The following KIRREL3 variants were observed in gnomAD, a reference collection of about 807,000 sequenced individuals.
The protein encoded by KIRREL3 is kirre like nephrin family adhesion molecule 3.
A neutral mutation model predicts 89.7 loss-of-function variants in KIRREL3; 36 were observed. That is an observed-to-expected ratio of 0.40 (90% CI 0.31 to 0.53). The LOEUF is 0.53. Ranked by LOEUF, KIRREL3 falls within the 20% of genes least tolerant of loss-of-function variation. KIRREL3 has a pLI of 0.49. For missense variants in KIRREL3, 864 were observed against 1,056.6 expected, an observed-to-expected ratio of 0.82 and a Z score of 2.53; for synonymous variants, 445 against 441.4, an observed-to-expected ratio of 1.01 and a Z score of -0.10.
chr11:126,923,201 CTTCTTCTTCTTCT>C lies in KIRREL3; in HGVS notation c.55+77241_55+77253del, dbSNP rs1947478561. 4.1e-3 allele frequency among the ~76,000 whole-genome samples: 71 copies of C among 17,240 alleles called. 17 individuals carry two copies. The highest frequency in any genetic ancestry group is 0.026 in the East Asian group (23 of 888). 11.3% of individuals were successfully genotyped at this position (17,240 alleles called of 152,430 possible). On this transcript the variant is annotated intron_variant, in intron 1 of 16. Coordinates refer to ENST00000525144, the MANE Select transcript of KIRREL3 (RefSeq NM_032531.4). ...CTCTTCTTCTTCTCTTCTTCTTCTTCTTCTTCTTCTTCTTCTTCTTCTTCTTCTTCTTCTTCTT... is the reference window on the plus strand; with the variant it reads ...CTCTTCTTCTTCTCTTCTTCTTCTTCTCTTCTTCTTCTTCTTCTTCTTCTT...
Position 126,993,084 on chromosome 11 carries a change from A to T in KIRREL3, c.55+7371T>A, listed in dbSNP as rs1332641295. Among the ~76,000 whole-genome samples, 1 of 151,426 alleles carries T rather than the reference A, an allele frequency of 6.6e-6. No homozygotes were observed. The highest frequency in any genetic ancestry group is 2.4e-5 in the African/African-American group (1 of 41,388). ...ACGATTAAAAAGTATATTTCCATTC[A>T]ATTTTACATTTTTAGCCCCATGTGA... On this transcript the variant is annotated intron_variant, in intron 1 of 16. Coordinates refer to ENST00000525144, the MANE Select transcript of KIRREL3 (RefSeq NM_032531.4). The surrounding 1 kb of genome is among the most constrained non-coding windows in gnomAD (Gnocchi z 6.1).
In KIRREL3 at chr11:126,515,200, T is replaced by C. The variant is rs1028406572; in HGVS notation, c.433+6115A>G. Reference sequence around the variant, plus strand: ...ATTTTAGGAGGCTGAGTTGGGTGGATCCCTTGAGCCCAGAAGTTCAAGACA... The same window carrying C: ...ATTTTAGGAGGCTGAGTTGGGTGGACCCCTTGAGCCCAGAAGTTCAAGACA... On this transcript the variant is annotated intron_variant, in intron 4 of 16. Coordinates refer to ENST00000525144, the MANE Select transcript of KIRREL3 (RefSeq NM_032531.4). The surrounding 1 kb of genome is among the most constrained non-coding windows in gnomAD (Gnocchi z 4.2). Among the ~76,000 whole-genome samples the C allele has an allele frequency of 6.6e-6, 1 of 152,094 alleles. No homozygotes were observed. Among genetic ancestry groups the C allele is most frequent in the Non-Finnish European group, 1.5e-5 (1 of 68,016 alleles).
At chr11:126,691,547 T>C (rs1946878110) in intron 1 of KIRREL3, among the ~76,000 whole-genome samples, 1 of 152,224 alleles carries the variant, frequency 6.6e-6, no homozygotes, top group Admixed American at 6.5e-5. Flanking sequence ...GCATATTGCA[T>C]GATACCCTTT....
rs2134358545 is a variant in KIRREL3, at chr11:126,498,411, TCCTAATCAG to T, written c.433+22895_433+22903del. Among the ~76,000 whole-genome samples the T allele has an allele frequency of 6.6e-6, 1 of 152,332 alleles. No individual in the cohort carries two copies. The highest frequency in any genetic ancestry group is 6.5e-5 in the Admixed American group (1 of 15,294). On this transcript the variant is annotated intron_variant, in intron 4 of 16. Transcript: ENST00000525144. The surrounding 1 kb of genome is among the most constrained non-coding windows in gnomAD (Gnocchi z 4.3). ...CTTCCCCCCGACCCTGCGATTGTGT[TCCTAATCAG>T]CCAGTGTATCAGGAAAGACCTGCTG...
Position 126,564,576 on chromosome 11 carries a change from C to G in KIRREL3, c.56-1664G>C, listed in dbSNP as rs1413580279. On this transcript the variant is annotated intron_variant, in intron 1 of 16. Transcript: ENST00000525144. This position sits in a 1 kb window ranked among gnomAD's most constrained non-coding sequence, Gnocchi z 7.4. ...TCCACACTGGCGTCTGAAGGCTTAG[C>G]CAAACCGCCCTCACTTCAAACGGTC... is the stretch of plus-strand genomic sequence containing the variant. Among the ~76,000 whole-genome samples the G allele has an allele frequency of 6.6e-6, 1 of 152,214 alleles. No individual in the cohort carries two copies. The highest frequency in any genetic ancestry group is 1.5e-5 in the Non-Finnish European group (1 of 68,034).
chr11:126,621,654 A>G (rs900248742), intron 1 of KIRREL3, among the ~76,000 whole-genome samples: 5 of 152,240 alleles, frequency 3.3e-5, no homozygotes, highest in African/African-American at 1.2e-4. Flanking sequence ...AAACTATAAA[A>G]CCCATTGAAA....
intron 5 of KIRREL3, among the ~76,000 whole-genome samples, chr11:126,470,612 CTGGTGGGTAGGGGGAACCAG>C (rs925759242): frequency 5.3e-5 from 8 of 152,202 alleles, no homozygotes; most frequent in African/African-American, 1.9e-4. Context: ...GCTTAGAGGA[CTGGTGGGTAGGGGGAACCAG>C]GCCGTGTATT....
chr11:126,656,347 C>T lies in KIRREL3; in HGVS notation c.56-93435G>A, dbSNP rs7935183. 0.016 allele frequency among the ~76,000 whole-genome samples: 2,479 copies of T among 152,282 alleles called. 86 individuals are homozygous for T. Among genetic ancestry groups the T allele is most frequent in the African/African-American group, 0.056 (2,326 of 41,534 alleles). On this transcript the variant is annotated intron_variant, in intron 1 of 16. Coordinates refer to ENST00000525144, the MANE Select transcript of KIRREL3 (RefSeq NM_032531.4). This position sits in a 1 kb window ranked among gnomAD's most constrained non-coding sequence, Gnocchi z 4.0. ...AAGATAATATGTTGAAAACTCTTAG[C>T]ACCCAATAAGCCTTCAAAATTATAA...
chr11:126,526,546 T>A lies in KIRREL3; in HGVS notation c.275A>T (p.Asp92Val). Reference protein sequence around the residue: ...KDGLALGVGRDLSSYPQYLVV... With the variant: ...KDGLALGVGRVLSSYPQYLVV... ...GGTCTGGAGGTACTCACTTGAGAGG[T>A]CCCTGCCCACACCCAGAGCCAAGCC... The change falls in exon 3 of 17, where the codon GAC becomes GTC. Residue 92 changes from aspartate to valine, a missense_variant. By Grantham distance (152) the Asp-to-Val change is radical. Coordinates refer to ENST00000525144, the MANE Select transcript of KIRREL3 (RefSeq NM_032531.4). The surrounding 1 kb of genome is among the most constrained non-coding windows in gnomAD (Gnocchi z 5.7). The A allele has an allele frequency of 1.9e-6, 3 of 1,612,904 alleles. No individual in the cohort carries two copies. Among genetic ancestry groups the A allele is most frequent in the Non-Finnish European group, 2.5e-6 (3 of 1,179,438 alleles).
In KIRREL3 at chr11:126,946,124, C is replaced by T. The variant is rs1026562665; in HGVS notation, c.55+54331G>A. 1.3e-5 allele frequency among the ~76,000 whole-genome samples: 2 copies of T among 152,168 alleles called. No individual in the cohort carries two copies. The highest frequency in any genetic ancestry group is 4.8e-5 in the African/African-American group (2 of 41,434). ...TGGCTGAGATTTCTGAGCTGGAACCCAGCACCCTAGAACTAAGGCTCAAGC... is the reference window on the plus strand; with the variant it reads ...TGGCTGAGATTTCTGAGCTGGAACCTAGCACCCTAGAACTAAGGCTCAAGC... On this transcript the variant is annotated intron_variant, in intron 1 of 16. Transcript: ENST00000525144. The surrounding 1 kb of genome is among the most constrained non-coding windows in gnomAD (Gnocchi z 4.1).
chr11:126,682,529 T>C lies in KIRREL3; in HGVS notation c.56-119617A>G, dbSNP rs1001521876. Among the ~76,000 whole-genome samples the C allele has an allele frequency of 6.6e-6, 1 of 152,154 alleles. No individual in the cohort carries two copies. Among genetic ancestry groups the C allele is most frequent in the South Asian group, 2.1e-4 (1 of 4,828 alleles). On this transcript the variant is annotated intron_variant, in intron 1 of 16. Transcript: ENST00000525144. This position sits in a 1 kb window ranked among gnomAD's most constrained non-coding sequence, Gnocchi z 4.8. The stretch of plus-strand genomic sequence containing the variant: ...ATGACCTCTGAGTGCGGAGCTTTTT[T>C]GTCAATTTTTTAAAGACAGTGGTCC...
At chr11:126,775,097 A>G (rs1950132961) in intron 1 of KIRREL3, among the ~76,000 whole-genome samples, 1 of 152,124 alleles carries the variant, frequency 6.6e-6, no homozygotes, top group African/African-American at 2.4e-5. Flanking sequence ...TGGGGCAAAT[A>G]CCCAACAAAT....
In KIRREL3 at chr11:126,624,021, C is replaced by T. The variant is rs1239692907; in HGVS notation, c.56-61109G>A. ...CAAGGAGAAGGGAAGAGCTAATCTC[C>T]TCTTCACCTGTGATGACTGTTTTTC... On this transcript the variant is annotated intron_variant, in intron 1 of 16. Coordinates refer to ENST00000525144, the MANE Select transcript of KIRREL3 (RefSeq NM_032531.4). This position sits in a 1 kb window ranked among gnomAD's most constrained non-coding sequence, Gnocchi z 6.0. 6.6e-6 allele frequency among the ~76,000 whole-genome samples: 1 copy of T among 152,154 alleles called. No homozygotes were observed. The highest frequency in any genetic ancestry group is 2.4e-5 in the African/African-American group (1 of 41,442).
At chr11:126,529,511 G>A (rs990085632) in intron 2 of KIRREL3, among the ~76,000 whole-genome samples, 1 of 151,730 alleles carries the variant, frequency 6.6e-6, no homozygotes, top group Non-Finnish European at 1.5e-5. Context: ...TGCCATCTGA[G>A]CAGGCTTGGA....
chr11:126,858,638 T>C (rs1272952754), intron 1 of KIRREL3, among the ~76,000 whole-genome samples: 2 of 152,116 alleles, frequency 1.3e-5, no homozygotes, highest in African/African-American at 2.4e-5. Flanking sequence ...TCAGTAGCAG[T>C]GTCTGTGATG....
chr11:126,619,361 G>A (rs1943485225), intron 1 of KIRREL3, among the ~76,000 whole-genome samples: 1 of 152,200 alleles, frequency 6.6e-6, no homozygotes, highest in South Asian at 2.1e-4. Flanking sequence ...AGAGAGGAAG[G>A]CGGAAGCCAG....
rs1005962649 is a variant in KIRREL3, at chr11:126,796,439, G to A, written c.55+204016C>T. On this transcript the variant is annotated intron_variant, in intron 1 of 16. Coordinates refer to ENST00000525144, the MANE Select transcript of KIRREL3 (RefSeq NM_032531.4). The surrounding 1 kb of genome is among the most constrained non-coding windows in gnomAD (Gnocchi z 5.1). ...GGAGGAAGGCTGAAGGAGGGGACGC[G>A]CAGTTGTGGGTAACTGGCCTTCACC... Among the ~76,000 whole-genome samples, 1 of 152,094 alleles carries A rather than the reference G, an allele frequency of 6.6e-6. No individual in the cohort carries two copies. Among genetic ancestry groups the A allele is most frequent in the South Asian group, 2.1e-4 (1 of 4,822 alleles).
intron 1 of KIRREL3, among the ~76,000 whole-genome samples, chr11:126,888,807 G>A (rs1392895858): frequency 6.6e-6 from 1 of 152,152 alleles, no homozygotes; most frequent in African/African-American, 2.4e-5. Flanking sequence ...TTTCATTGTC[G>A]ACAGTGATTA....
rs1220202870 is a variant in KIRREL3 at position 126,879,039 on chromosome 11, C to A, written c.55+121416G>T. Reference sequence around the variant, plus strand: ...TGTATCTTTCTTCCTTACAGCTAAGCAATCTTTGTCAATTACAGGGCATTA... The same window carrying A: ...TGTATCTTTCTTCCTTACAGCTAAGAAATCTTTGTCAATTACAGGGCATTA... On this transcript the variant is annotated intron_variant, in intron 1 of 16. Coordinates refer to ENST00000525144, the MANE Select transcript of KIRREL3 (RefSeq NM_032531.4). The surrounding 1 kb of genome is among the most constrained non-coding windows in gnomAD (Gnocchi z 5.4). 2.0e-5 allele frequency among the ~76,000 whole-genome samples: 3 copies of A among 152,304 alleles called. No individual in the cohort carries two copies. The highest frequency in any genetic ancestry group is 6.5e-5 in the Admixed American group (1 of 15,296).
Sources: allele counts gnomAD v4.1 joint callset (sites outside exome capture counted in the v4.1 genomes callset), GRCh38; gene constraint gnomAD v4.1.1; non-coding constraint Gnocchi (gnomAD v3.1); transcripts MANE v1.5; gene names NCBI Gene and HGNC (gene_info 2026-07-23, HGNC 2026-07-21).